Variants in EFNA2 observed in about 807,000 individuals in gnomAD.
EFNA2 encodes the protein ephrin-A2.
In EFNA2, 18 loss-of-function variants were observed where a neutral mutation model predicts 19.7. That is an observed-to-expected ratio of 0.91 (90% confidence interval 0.63 to 1.35). The LOEUF (loss-of-function observed/expected upper bound fraction) is 1.35, where lower values mean the gene tolerates loss of function less well. EFNA2 is among the 40% of genes most tolerant of loss of function. EFNA2 has a pLI of 0.00. For synonymous variants in EFNA2, 187 were observed against 137.8 expected (o/e 1.36, Z -2.50); for missense variants, 303 against 296.0 (o/e 1.02, Z -0.17).
chr19:1,297,369 GAA>G lies in EFNA2; in HGVS notation c.455-1178_455-1177del, dbSNP rs2081520539. On this transcript the variant is annotated intron_variant, in intron 2 of 3. Coordinates refer to ENST00000215368, the MANE Select transcript of EFNA2 (RefSeq NM_001405.4). This position sits in a 1 kb window ranked among gnomAD's most constrained non-coding sequence, Gnocchi z 5.0. Reference sequence around the variant, plus strand: ...TTTAAATTAAGTCCCCATAATATGAGAAAAATTACATTTTTCTTTCTGAGACG... The same window carrying G: ...TTTAAATTAAGTCCCCATAATATGAGAAATTACATTTTTCTTTCTGAGACG... 6.6e-6 allele frequency among the ~76,000 whole-genome samples: 1 copy of G among 152,152 alleles called. No homozygotes were observed.
rs1394549896 is a variant in EFNA2, at chr19:1,285,931, C to T, written c.-238C>T. Among the ~76,000 whole-genome samples the T allele has an allele frequency of 1.4e-5, 2 of 145,122 alleles. No individual in the cohort carries two copies. The highest frequency in any genetic ancestry group is 4.9e-5 in the African/African-American group (2 of 40,508). On this transcript the variant is annotated 5_prime_UTR_variant, in exon 1 of 4. Transcript: ENST00000215368. The surrounding 1 kb of genome is among the most constrained non-coding windows in gnomAD (Gnocchi z 4.1). ...CGGCGGCCCGCGCTCCGACAGTCCG[C>T]GCGGCCGGGTCCTGCGCCCGGGGCG...
At position 1,299,947 on chromosome 19, in the gene EFNA2, C is replaced by G; in HGVS notation, c.*2C>G. On this transcript the variant is annotated 3_prime_UTR_variant, in exon 4 of 4. Transcript: ENST00000215368. Reference sequence around the variant, plus strand: ...CTCTGGACCCTCCTGGGTTCCTAGTCCCAGCCCCGCAGGACGCCGACCCTG... The same window carrying G: ...CTCTGGACCCTCCTGGGTTCCTAGTGCCAGCCCCGCAGGACGCCGACCCTG... 1 of 1,598,842 alleles carries G rather than the reference C, an allele frequency of 6.3e-7. No homozygotes were observed. Among genetic ancestry groups the G allele is most frequent in the South Asian group, 1.1e-5 (1 of 90,412 alleles).
rs1281028178 is a variant in EFNA2 at position 1,296,451 on chromosome 19, A to C, written c.454+593A>C. ...CAGCACTTTGGGATGCCGAGGCGGG[A>C]GGATCACTTGAGGCCAGCGTGGACA... is the stretch of plus-strand genomic sequence containing the variant. On this transcript the variant is annotated intron_variant, in intron 2 of 3. Coordinates refer to ENST00000215368, the MANE Select transcript of EFNA2 (RefSeq NM_001405.4). This position sits in a 1 kb window ranked among gnomAD's most constrained non-coding sequence, Gnocchi z 4.4. 6.6e-6 allele frequency among the ~76,000 whole-genome samples: 1 copy of C among 152,128 alleles called. No homozygotes were observed. Among genetic ancestry groups the C allele is most frequent in the Non-Finnish European group, 1.5e-5 (1 of 68,022 alleles).
intron 3 of EFNA2, 96 bp from the exon 4 acceptor site, chr19:1,299,728 C>G: frequency 6.9e-7 from 1 of 1,448,266 alleles, no homozygotes; most frequent in Middle Eastern, 1.9e-4. Context: ...GGGTGATGAG[C>G]CCGTTGGGCA....
intron 1 of EFNA2, among the ~76,000 whole-genome samples, chr19:1,288,104 C>T (rs185695324): frequency 6.6e-6 from 1 of 152,368 alleles, no homozygotes; most frequent in Non-Finnish European, 1.5e-5. Context: ...TGGGCAGCAC[C>T]GAGGCTGCCT....
rs143295473 is a variant in EFNA2 at position 1,293,808 on chromosome 19, A to G, written c.141-1737A>G. ...CTGGAGATCTTCATGCCGGATCCCT[A>G]GTGGGGAAACTGAGGCGCAAGTGAG... On this transcript the variant is annotated intron_variant, in intron 1 of 3. Transcript: ENST00000215368. Among the ~76,000 whole-genome samples the G allele has an allele frequency of 1.4e-4, 21 of 152,300 alleles. No homozygotes were observed. The East Asian group carries it at 4.1e-3, about 29-fold the overall frequency.
chr19:1,298,544 C>T lies in EFNA2; in HGVS notation c.455-7C>T. 6.2e-7 allele frequency: 1 copy of T among 1,613,906 alleles called. No homozygotes were observed. Among genetic ancestry groups the T allele is most frequent in the Non-Finnish European group, 8.5e-7 (1 of 1,179,958 alleles). On this transcript the variant is annotated splice_region_variant and splice_polypyrimidine_tract_variant and intron_variant, in intron 2 of 3. Transcript: ENST00000215368. ...TTCCCCACTCATCCCCATCCCCTCT[C>T]TTCTAGCTGCCACGCCTCCCAATGC...
rs2081506378 is a variant in EFNA2 at position 1,294,781 on chromosome 19, C to T, written c.141-764C>T. On this transcript the variant is annotated intron_variant, in intron 1 of 3. Transcript: ENST00000215368. The surrounding 1 kb of genome is among the most constrained non-coding windows in gnomAD (Gnocchi z 5.8). Reference sequence around the variant, plus strand: ...GAGGCCAGGGTGGGGGCAGAGCTTGCCCCAGAGCGAGCTGGAATGCCCGAC... The same window carrying T: ...GAGGCCAGGGTGGGGGCAGAGCTTGTCCCAGAGCGAGCTGGAATGCCCGAC... Among the ~76,000 whole-genome samples, 1 of 151,794 alleles carries T rather than the reference C, an allele frequency of 6.6e-6. No individual in the cohort carries two copies. The highest frequency in any genetic ancestry group is 1.5e-5 in the Non-Finnish European group (1 of 67,952).
Position 1,300,687 on chromosome 19 carries a change from G to A in EFNA2, c.*742G>A, listed in dbSNP as rs1167852124. Reference sequence around the variant, plus strand: ...GGCTGGGGAGACCTCATACCCCATCGCCCACCCCCGTCCTCCTGGTCATTT... The same window carrying A: ...GGCTGGGGAGACCTCATACCCCATCACCCACCCCCGTCCTCCTGGTCATTT... On this transcript the variant is annotated 3_prime_UTR_variant, in exon 4 of 4. Transcript: ENST00000215368. Among the ~76,000 whole-genome samples the A allele has an allele frequency of 1.3e-5, 2 of 151,972 alleles. No individual in the cohort carries two copies. Among genetic ancestry groups the A allele is most frequent in the African/African-American group, 4.8e-5 (2 of 41,374 alleles).
chr19:1,293,566 G>A (rs2081501081), intron 1 of EFNA2, among the ~76,000 whole-genome samples: 1 of 152,206 alleles, frequency 6.6e-6, no homozygotes. Flanking sequence ...GCCCAGAACT[G>A]CAAGATTCCG....
At chr19:1,290,537 T>C (rs1302128586) in intron 1 of EFNA2, among the ~76,000 whole-genome samples, 1 of 152,150 alleles carries the variant, frequency 6.6e-6, no homozygotes, top group Non-Finnish European at 1.5e-5. Flanking sequence ...CAGTGGGTTG[T>C]GCATTCATGG....
intron 1 of EFNA2, among the ~76,000 whole-genome samples, chr19:1,288,951 G>A (rs959502611): frequency 6.6e-5 from 10 of 152,146 alleles, no homozygotes; most frequent in South Asian, 4.1e-4. Flanking sequence ...GGACCTGGCC[G>A]GCTGCCCTCA....
In EFNA2 at chr19:1,296,591, A is replaced by G. The variant is rs2081516752; in HGVS notation, c.454+733A>G. Among the ~76,000 whole-genome samples, 3 of 152,192 alleles carry G rather than the reference A, an allele frequency of 2.0e-5. No homozygotes were observed. Among genetic ancestry groups the G allele is most frequent in the Admixed American group, 1.3e-4 (2 of 15,300 alleles). On this transcript the variant is annotated intron_variant, in intron 2 of 3. Coordinates refer to ENST00000215368, the MANE Select transcript of EFNA2 (RefSeq NM_001405.4). The surrounding 1 kb of genome is among the most constrained non-coding windows in gnomAD (Gnocchi z 4.4). ...GAGGTGGGAGGGCTGCTTGGAGTGCATGAGCTCTGGTCGCTCCACTGCACT... is the reference window on the plus strand; with the variant it reads ...GAGGTGGGAGGGCTGCTTGGAGTGCGTGAGCTCTGGTCGCTCCACTGCACT...
intron 1 of EFNA2, among the ~76,000 whole-genome samples, chr19:1,292,499 A>G (rs2081496242): frequency 6.6e-6 from 1 of 152,256 alleles, no homozygotes; most frequent in African/African-American, 2.4e-5. Flanking sequence ...TCCGGGATTC[A>G]GACAGCAAAC....
At position 1,295,478 on chromosome 19, in the gene EFNA2, CGCGCACCCCGA is replaced by C. The variant is rs1568867404; in HGVS notation, c.141-66_141-56del. The C allele has an allele frequency of 1.4e-6, 2 of 1,433,846 alleles. No homozygotes were observed. Among genetic ancestry groups the C allele is most frequent in the African/African-American group, 2.9e-5 (2 of 67,868 alleles). The allele number at this position is 1,433,846 out of a possible 1,614,324, so 88.8% of individuals were successfully genotyped here. Reference sequence around the variant, plus strand: ...CCTGTCCCCTGACCCTGGCCCTCCCCGCGCACCCCGACCCGTGCCCCGTTCCTCGCTCCGGG... The same window carrying C: ...CCTGTCCCCTGACCCTGGCCCTCCCCCCCGTGCCCCGTTCCTCGCTCCGGG... On this transcript the variant is annotated intron_variant, in intron 1 of 3. Transcript: ENST00000215368. This position sits in a 1 kb window ranked among gnomAD's most constrained non-coding sequence, Gnocchi z 5.8.
rs2081535451 is a variant in EFNA2 at position 1,300,240 on chromosome 19, G to GCTTTT, written c.*295_*296insCTTTT. The GCTTTT allele has an allele frequency of 1.1e-5, 1 of 88,054 alleles. No individual in the cohort carries two copies. Among genetic ancestry groups the GCTTTT allele is most frequent in the Non-Finnish European group, 2.2e-5 (1 of 45,084 alleles). The allele number at this position is 88,054 out of a possible 1,614,324, so 5.5% of individuals were successfully genotyped here. On this transcript the variant is annotated 3_prime_UTR_variant, in exon 4 of 4. Coordinates refer to ENST00000215368, the MANE Select transcript of EFNA2 (RefSeq NM_001405.4). ...TCGGAGAACCCGGGAACCTCTTGGC[G>GCTTTT]ATTTTTTTTTTTTTTTTTTTTTTTT...
intron 3 of EFNA2, 147 bp downstream of exon 3, chr19:1,298,763 C>A: frequency 1.2e-6 from 1 of 840,546 alleles, no homozygotes; most frequent in Non-Finnish European, 1.9e-6. Context: ...ATTTCCCCGT[C>A]TGATGAACAT....
intron 1 of EFNA2, among the ~76,000 whole-genome samples, chr19:1,289,717 TC>T (rs1280239457): frequency 1.3e-5 from 2 of 152,080 alleles, no homozygotes; most frequent in African/African-American, 4.8e-5. Flanking sequence ...GCAGCCGGGT[TC>T]CCCTCAAACA....
rs1392164305 is a variant in EFNA2, at chr19:1,301,365, C to T, written c.*1420C>T. ...GGCCTGGAGCTGGCGACCGGGCCTCCCTCTTCCCGTCACAATCAACTTTGG... is the reference window on the plus strand; with the variant it reads ...GGCCTGGAGCTGGCGACCGGGCCTCTCTCTTCCCGTCACAATCAACTTTGG... On this transcript the variant is annotated 3_prime_UTR_variant, in exon 4 of 4. Transcript: ENST00000215368. 6.6e-6 allele frequency among the ~76,000 whole-genome samples: 1 copy of T among 151,600 alleles called. No homozygotes were observed. Among genetic ancestry groups the T allele is most frequent in the Non-Finnish European group, 1.5e-5 (1 of 67,906 alleles).
Sources: gnomAD v4.1 joint callset for allele counts (sites outside exome capture counted in the v4.1 genomes callset) on GRCh38, gnomAD v4.1.1 for gene constraint, Gnocchi (gnomAD v3.1) non-coding constraint, MANE v1.5 for transcripts, NCBI Gene and HGNC (gene_info 2026-07-23, HGNC 2026-07-21) for gene names.